PCCA: variants seen among roughly 807,000 people sequenced by gnomAD.
PCCA encodes the protein propionyl-CoA carboxylase subunit alpha, also known as propionyl-CoA carboxylase alpha chain, mitochondrial.
Under a neutral mutation model 101.3 loss-of-function variants are expected in PCCA, and 74 were observed. The ratio of observed to expected loss-of-function variants is 0.73; its 90% CI spans 0.61 to 0.89. PCCA has a LOEUF of 0.89. PCCA is among the 40% of genes least tolerant of loss of function. PCCA has a pLI of 0.00. For missense variants in PCCA, 891 were observed against 907.0 expected, an observed-to-expected ratio of 0.98 and a Z score of 0.23; for synonymous variants, 294 against 313.6, an observed-to-expected ratio of 0.94 and a Z score of 0.66.
At chr13:100,324,632 C>T (rs2068442973) in intron 16 of PCCA, among the ~76,000 whole-genome samples, 1 of 152,140 alleles carries the variant, frequency 6.6e-6, no homozygotes. Context: ...TACCTGGTGC[C>T]ATTCAAAGCA....
At chr13:100,297,973 A>AT (rs200402738) in intron 12 of PCCA, among the ~76,000 whole-genome samples, 4,541 of 138,234 alleles carry the variant, frequency 0.033, 206 homozygotes, top group Admixed American at 0.1. Flanking sequence ...GTGAGTGTGA[A>AT]TTTTTTTTTT....
intron 14 of PCCA, chr13:100,305,657 G>A (rs190404472): frequency 6.2e-4 from 161 of 257,870 alleles, no homozygotes; most frequent in African/African-American, 2.7e-3. Context: ...TATGTAACCC[G>A]TTTACTAGTT....
chr13:100,164,359 A>G (rs1157080250), intron 6 of PCCA, among the ~76,000 whole-genome samples: 2 of 152,176 alleles, frequency 1.3e-5, no homozygotes, highest in Admixed American at 1.3e-4. Flanking sequence ...AGGCTCGGAT[A>G]GGAGAGTGGC....
chr13:100,152,635 A>G (rs1373739569), intron 4 of PCCA, among the ~76,000 whole-genome samples: 1 of 151,828 alleles, frequency 6.6e-6, no homozygotes, highest in Non-Finnish European at 1.5e-5. Context: ...TTTAGTAGAA[A>G]CGGGGTTTCA....
At chr13:100,442,257 G>A (rs945502347) in intron 20 of PCCA, among the ~76,000 whole-genome samples, 1 of 152,066 alleles carries the variant, frequency 6.6e-6, no homozygotes, top group Admixed American at 6.5e-5. Context: ...ACCTCCCAAA[G>A]TGTTGGGATT....
At chr13:100,311,460 TTAA>T (rs2066908648) in intron 16 of PCCA, among the ~76,000 whole-genome samples, 1 of 151,956 alleles carries the variant, frequency 6.6e-6, no homozygotes, top group Admixed American at 6.6e-5. Context: ...TTCCTCACAC[TTAA>T]TAAAACCATA....
At chr13:100,514,176 T>A (rs2086673090) in intron 21 of PCCA, among the ~76,000 whole-genome samples, 1 of 152,214 alleles carries the variant, frequency 6.6e-6, no homozygotes, top group Non-Finnish European at 1.5e-5. Flanking sequence ...CAGACGCTTC[T>A]ATGTCTTGAT....
chr13:100,495,676 A>T (rs148105601), intron 21 of PCCA, among the ~76,000 whole-genome samples: 2 of 152,210 alleles, frequency 1.3e-5, no homozygotes, highest in Non-Finnish European at 2.9e-5. Context: ...CCAACTTCCA[A>T]TTATCACTCT....
chr13:100,373,049 G>A (rs985369555), intron 19 of PCCA, among the ~76,000 whole-genome samples: 9 of 151,920 alleles, frequency 5.9e-5, no homozygotes, highest in South Asian at 2.1e-4. Flanking sequence ...CAGCCCTCCC[G>A]ATAAGAGTTT....
At chr13:100,364,300 G>A (rs2074946587) in intron 18 of PCCA, among the ~76,000 whole-genome samples, 1 of 152,152 alleles carries the variant, frequency 6.6e-6, no homozygotes, top group South Asian at 2.1e-4. Context: ...TCTTCTTTGA[G>A]ACTATTTTGA....
chr13:100,428,003 G>C (rs1272765440), intron 20 of PCCA, among the ~76,000 whole-genome samples: 1 of 151,996 alleles, frequency 6.6e-6, no homozygotes, highest in Non-Finnish European at 1.5e-5. Context: ...GACAACTGAG[G>C]CTCAGAGAAA....
At chr13:100,108,924 A>C (rs2048052685) in intron 2 of PCCA, among the ~76,000 whole-genome samples, 1 of 152,162 alleles carries the variant, frequency 6.6e-6, no homozygotes, top group African/African-American at 2.4e-5. Flanking sequence ...TTAGAAGAAA[A>C]TTTTATGTAT....
intron 21 of PCCA, chr13:100,464,472 C>G (rs2082371649): frequency 6.6e-6 from 1 of 152,184 alleles, no homozygotes; most frequent in African/African-American, 2.4e-5. Flanking sequence ...TAGCTCCCCA[C>G]TCTCCCTTTG....
chr13:100,148,504 C>G (rs963278131), intron 4 of PCCA, among the ~76,000 whole-genome samples: 8 of 147,406 alleles, frequency 5.4e-5, no homozygotes, highest in African/African-American at 1.0e-4. Context: ...TGACATGACT[C>G]TTGCTAAGGT....
chr13:100,183,314 A>G (rs375862969), intron 6 of PCCA, among the ~76,000 whole-genome samples: 1 of 152,208 alleles, frequency 6.6e-6, no homozygotes, highest in East Asian at 1.9e-4. Context: ...GAATAAAATC[A>G]TGGACTTTTT....
intron 4 of PCCA, among the ~76,000 whole-genome samples, chr13:100,123,938 G>A (rs933366941): frequency 1.3e-5 from 2 of 152,098 alleles, no homozygotes; most frequent in Non-Finnish European, 2.9e-5. Flanking sequence ...TATAAGGAAT[G>A]AGAAATGTTT....
intron 2 of PCCA, among the ~76,000 whole-genome samples, chr13:100,111,169 AC>A (rs1305870620): frequency 7.6e-6 from 1 of 131,066 alleles, no homozygotes; most frequent in Non-Finnish European, 1.6e-5. Flanking sequence ...GTACCACTAG[AC>A]CCAGCTCCTT....
intron 16 of PCCA, among the ~76,000 whole-genome samples, chr13:100,323,625 A>G (rs1299718461): frequency 6.6e-6 from 1 of 152,282 alleles, no homozygotes; most frequent in Non-Finnish European, 1.5e-5. Flanking sequence ...CAGGAGCTCC[A>G]TTCTTAACAG....
intron 23 of PCCA, among the ~76,000 whole-genome samples, chr13:100,529,543 G>GGT (rs1364841023): frequency 1.3e-5 from 2 of 152,156 alleles, no homozygotes; most frequent in Non-Finnish European, 2.9e-5. Context: ...ACCCACCCAT[G>GGT]GTGCTGGAAA....
Sources: allele counts gnomAD v4.1 joint callset (sites outside exome capture counted in the v4.1 genomes callset), GRCh38; gene constraint gnomAD v4.1.1; transcripts MANE v1.5; gene names NCBI Gene and HGNC (gene_info 2026-07-23, HGNC 2026-07-21).